The following STOX1 variants were observed in gnomAD, a reference collection of about 807,000 sequenced individuals.
The protein encoded by STOX1 is storkhead box 1.
In STOX1, 57 loss-of-function variants were observed where a neutral mutation model predicts 74.8. The ratio of observed to expected loss-of-function variants is 0.76; its 90% confidence interval spans 0.62 to 0.95. The LOEUF is 0.95. Ranked by LOEUF, STOX1 falls within the 40% of genes least tolerant of loss-of-function variation. The pLI is 0.00. For synonymous variants in STOX1, 375 were observed against 401.3 expected (o/e 0.93, Z 0.78); for missense variants, 1,010 against 1,117.0 (o/e 0.90, Z 1.37).
At chr10:68,833,240 C>T (rs369329197) in intron 1 of STOX1, among the ~76,000 whole-genome samples, 2 of 152,062 alleles carry the variant, frequency 1.3e-5, no homozygotes, top group East Asian at 1.9e-4. Flanking sequence ...CGCGTGCCAG[C>T]ACGCCCGGCT....
At chr10:68,865,094 T>TG (rs1554829387) in intron 1 of STOX1, among the ~76,000 whole-genome samples, 1 of 147,064 alleles carries the variant, frequency 6.8e-6, no homozygotes, top group African/African-American at 2.4e-5. Context: ...ATTTCCCGAG[T>TG]GGGGGCAGCA....
chr10:68,851,022 A>G (rs1463433273), intron 1 of STOX1, among the ~76,000 whole-genome samples: 1 of 151,616 alleles, frequency 6.6e-6, no homozygotes, highest in African/African-American at 2.4e-5. Context: ...AAAAAAAGCA[A>G]GAGAGGCCAG....
downstream of STOX1, among the ~76,000 whole-genome samples, chr10:68,894,605 A>C (rs1475210355): frequency 1.3e-5 from 2 of 152,178 alleles, no homozygotes; most frequent in African/African-American, 4.8e-5. Flanking sequence ...AAGTGCCAAG[A>C]GAGGTGGGTA....
chr10:68,873,347 G>A (rs1172464303), intron 1 of STOX1, among the ~76,000 whole-genome samples: 7 of 137,844 alleles, frequency 5.1e-5, no homozygotes, highest in African/African-American at 1.9e-4. Context: ...TGCAAGCTCC[G>A]CCTCCCGGGT....
chr10:68,861,900 G>A (rs955938555), intron 1 of STOX1, among the ~76,000 whole-genome samples: 1 of 151,954 alleles, frequency 6.6e-6, no homozygotes, highest in East Asian at 1.9e-4. Context: ...TTCTATTCAT[G>A]CTCTGATTCA....
chr10:68,848,205 C>A (rs1589221050), intron 1 of STOX1, among the ~76,000 whole-genome samples: 1 of 152,190 alleles, frequency 6.6e-6, no homozygotes. Flanking sequence ...ACCTGGAAAA[C>A]ACATCTGGCA....
chr10:68,848,844 T>A (rs1305803409), intron 1 of STOX1, among the ~76,000 whole-genome samples: 3 of 151,300 alleles, frequency 2.0e-5, no homozygotes, highest in South Asian at 4.2e-4. Context: ...TTTTAAAAAA[T>A]TTTCCTGTAG....
chr10:68,839,415 G>A (rs151281790), intron 1 of STOX1, among the ~76,000 whole-genome samples: 4 of 152,070 alleles, frequency 2.6e-5, no homozygotes, highest in South Asian at 2.1e-4. Flanking sequence ...TAGAGACAGG[G>A]TCTCGCTCTT....
chr10:68,828,993 C>A lies in STOX1; in HGVS notation c.310+1060C>A, dbSNP rs150608379. The stretch of plus-strand genomic sequence containing the variant: ...TCTGACTCTGGGCACTAAACCCAGG[C>A]AGGTGTGTCAGCTCCCTGTAACAAC... On this transcript the variant is annotated intron_variant, in intron 1 of 3. Coordinates refer to ENST00000298596, the MANE Select transcript of STOX1 (RefSeq NM_152709.5). 2.8e-3 allele frequency: 2,752 copies of A among 985,360 alleles called. 6 individuals carry two copies. Among genetic ancestry groups the A allele is most frequent in the Non-Finnish European group, 3.2e-3 (2,631 of 829,874 alleles). The allele number at this position is 985,360 out of a possible 1,614,324, so 61.0% of individuals were successfully genotyped here.
At chr10:68,891,850 C>T (rs1342093800) in intron 3 of STOX1, among the ~76,000 whole-genome samples, 1 of 151,502 alleles carries the variant, frequency 6.6e-6, no homozygotes, top group Non-Finnish European at 1.5e-5. Context: ...GACAGAGTCT[C>T]ACTCTGTTGC....
At chr10:68,832,527 G>A (rs1001589935) in intron 1 of STOX1, among the ~76,000 whole-genome samples, 33 of 152,094 alleles carry the variant, frequency 2.2e-4, no homozygotes, top group Non-Finnish European at 1.2e-4. Flanking sequence ...AGAAAAATTA[G>A]CCCGGCATGG....
intron 3 of STOX1, among the ~76,000 whole-genome samples, chr10:68,887,595 CTTTT>C (rs71028802): frequency 1.2e-4 from 14 of 116,420 alleles, no homozygotes; most frequent in Admixed American, 2.7e-4. Context: ...TATTTTCTTT[CTTTT>C]TTTTTTTTTT....
chr10:68,835,186 C>T (rs1015695347), intron 1 of STOX1, among the ~76,000 whole-genome samples: 4 of 151,676 alleles, frequency 2.6e-5, no homozygotes, highest in South Asian at 2.1e-4. Flanking sequence ...GGATTACAGG[C>T]GCCTGCCACC....
At chr10:68,895,314 C>T (rs1443144654), downstream of STOX1, 1 of 152,190 alleles carries the variant, frequency 6.6e-6, no homozygotes, top group Non-Finnish European at 1.5e-5. Flanking sequence ...TTATGACACT[C>T]TCCCTGTTTT....
At chr10:68,862,666 C>T (rs946001717) in intron 1 of STOX1, among the ~76,000 whole-genome samples, 8 of 151,958 alleles carry the variant, frequency 5.3e-5, no homozygotes, top group South Asian at 2.1e-4. Flanking sequence ...GAACTCTTGC[C>T]GTACTTCTTA....
chr10:68,843,945 C>T (rs1839761616), intron 1 of STOX1, among the ~76,000 whole-genome samples: 1 of 152,002 alleles, frequency 6.6e-6, no homozygotes, highest in African/African-American at 2.4e-5. Context: ...CTTTGGGAGG[C>T]CGAGGCGGGT....
intron 1 of STOX1, among the ~76,000 whole-genome samples, chr10:68,828,770 G>C (rs1285232717): frequency 6.6e-6 from 1 of 152,112 alleles, no homozygotes; most frequent in Non-Finnish European, 1.5e-5. Flanking sequence ...GTGGTCTTGG[G>C]TCGGGACCTA....
Position 68,886,142 on chromosome 10 carries a change from C to T in STOX1, c.2346C>T (p.Tyr782=). 6.2e-7 allele frequency: 1 copy of T among 1,614,184 alleles called. No homozygotes were observed. The highest frequency in any genetic ancestry group is 8.5e-7 in the Non-Finnish European group (1 of 1,180,034). Residue 782 remains tyrosine, a synonymous_variant, in exon 3 of 4, where the codon TAC becomes TAT. Coordinates refer to ENST00000298596, the MANE Select transcript of STOX1 (RefSeq NM_152709.5). ...TGATTGAGAGATCTCTGACCGAGTACAACAGCACAATGGAGAGGGTTGAGT... is the reference window on the plus strand; with the variant it reads ...TGATTGAGAGATCTCTGACCGAGTATAACAGCACAATGGAGAGGGTTGAGT... The part of the protein sequence containing the change: ...QKVIERSLTE[Y]NSTMERVESQ...
At chr10:68,867,543 C>G (rs1479903507) in intron 1 of STOX1, among the ~76,000 whole-genome samples, 1 of 152,198 alleles carries the variant, frequency 6.6e-6, no homozygotes, top group African/African-American at 2.4e-5. Flanking sequence ...TCCAGAGGGT[C>G]AGGCCATTAT....
Sources: gnomAD v4.1 joint callset for allele counts (sites outside exome capture counted in the v4.1 genomes callset) on GRCh38, gnomAD v4.1.1 for gene constraint, MANE v1.5 for transcripts, NCBI Gene and HGNC (gene_info 2026-07-23, HGNC 2026-07-21) for gene names.